The following CCSER1 variants were observed in gnomAD, a reference collection of about 807,000 sequenced individuals.
CCSER1 encodes the protein serine-rich coiled-coil domain-containing protein 1.
CCSER1 carries 41 observed loss-of-function variants against 82.0 expected under a neutral mutation model. The observed-to-expected ratio is 0.50, with a 90% CI of 0.39 to 0.65. The LOEUF (loss-of-function observed/expected upper bound fraction) is 0.65. Among genes scored for constraint, CCSER1 ranks in the 30% least tolerant of loss-of-function variants. CCSER1 has a pLI of 0.00. For synonymous variants in CCSER1, 414 were observed against 383.9 expected (o/e 1.08, Z -0.92); for missense variants, 1,119 against 1,064.2 (o/e 1.05, Z -0.72).
At chr4:90,891,191 C>A (rs1250780754) in intron 8 of CCSER1, among the ~76,000 whole-genome samples, 3 of 151,014 alleles carry the variant, frequency 2.0e-5, no homozygotes, top group Non-Finnish European at 3.0e-5. Flanking sequence ...AAATAAAAAA[C>A]CAAGTGAATT....
chr4:91,582,057 T>C (rs981547464), intron 10 of CCSER1, among the ~76,000 whole-genome samples: 2 of 151,736 alleles, frequency 1.3e-5, no homozygotes, highest in African/African-American at 2.4e-5. Flanking sequence ...TTGTCATGAA[T>C]AGAATCTAAT....
intron 1 of CCSER1, among the ~76,000 whole-genome samples, chr4:90,237,614 T>C (rs1046755341): frequency 6.6e-6 from 1 of 152,148 alleles, no homozygotes; most frequent in African/African-American, 2.4e-5. Flanking sequence ...TGGGAAATAA[T>C]CAATTAAAAC....
intron 5 of CCSER1, among the ~76,000 whole-genome samples, chr4:90,600,942 T>C (rs1783960823): frequency 6.7e-6 from 1 of 150,250 alleles, no homozygotes; most frequent in South Asian, 2.1e-4. Context: ...TTTTTGATTT[T>C]ATTGTTAGTG....
intron 10 of CCSER1, among the ~76,000 whole-genome samples, chr4:91,288,137 T>C (rs1226894770): frequency 6.9e-6 from 1 of 145,810 alleles, no homozygotes; most frequent in Admixed American, 6.9e-5. Context: ...CATGTATATA[T>C]ATATACACTC....
At chr4:90,966,557 T>C (rs761852237) in intron 9 of CCSER1, among the ~76,000 whole-genome samples, 3 of 152,112 alleles carry the variant, frequency 2.0e-5, no homozygotes, top group Non-Finnish European at 2.9e-5. Flanking sequence ...CTGCGCGAAT[T>C]CATTGCTAGG....
chr4:91,319,964 G>A (rs761186411), intron 10 of CCSER1, among the ~76,000 whole-genome samples: 8 of 151,950 alleles, frequency 5.3e-5, no homozygotes, highest in South Asian at 2.1e-4. Flanking sequence ...TCAGAGTAGC[G>A]CGATGAAATC....
chr4:91,078,864 CAA>C lies in CCSER1; in HGVS notation c.2173-7085_2173-7084del, dbSNP rs1188351586. On this transcript the variant is annotated intron_variant, in intron 9 of 10. Transcript: ENST00000509176. ...AGATCAAATGAATGAAATGTAGCGACAAGAGAAGTTTAGAGAAAAAGTAAAAA... is the reference window on the plus strand; with the variant it reads ...AGATCAAATGAATGAAATGTAGCGACGAGAAGTTTAGAGAAAAAGTAAAAA... 1.2e-4 allele frequency among the ~76,000 whole-genome samples: 18 copies of C among 152,150 alleles called. 1 individual carries two copies. In the South Asian group the frequency reaches 3.5e-3, roughly 30 times the overall value.
intron 9 of CCSER1, among the ~76,000 whole-genome samples, chr4:90,982,197 GCT>G (rs1736175972): frequency 6.6e-6 from 1 of 151,706 alleles, no homozygotes; most frequent in Non-Finnish European, 1.5e-5. Flanking sequence ...TCTGGTGAGG[GCT>G]CTTTTCCTGG....
At chr4:91,041,042 T>G (rs1319230722) in intron 9 of CCSER1, among the ~76,000 whole-genome samples, 1 of 152,140 alleles carries the variant, frequency 6.6e-6, no homozygotes, top group Non-Finnish European at 1.5e-5. Context: ...TTGTATTATA[T>G]TAACTAAATT....
chr4:90,779,540 A>G (rs1225631719), intron 7 of CCSER1, among the ~76,000 whole-genome samples: 1 of 152,176 alleles, frequency 6.6e-6, no homozygotes, highest in Non-Finnish European at 1.5e-5. Flanking sequence ...TAAATGCTTT[A>G]CTGAATGAAA....
intron 10 of CCSER1, among the ~76,000 whole-genome samples, chr4:91,292,508 G>A (rs11729328): frequency 0.037 from 5,586 of 151,822 alleles, 148 homozygotes; most frequent in African/African-American, 0.07. Context: ...GTGAAATGAG[G>A]TAAATATTAC....
chr4:91,030,535 A>G (rs1740885444), intron 9 of CCSER1, among the ~76,000 whole-genome samples: 1 of 152,098 alleles, frequency 6.6e-6, no homozygotes, highest in Non-Finnish European at 1.5e-5. Context: ...TGGAGGCAGG[A>G]CTCATGAGAG....
chr4:91,516,430 G>A (rs1037310597), intron 10 of CCSER1, among the ~76,000 whole-genome samples: 1 of 152,142 alleles, frequency 6.6e-6, no homozygotes, highest in African/African-American at 2.4e-5. Context: ...CATATGGCTA[G>A]ACAGCTATCC....
intron 8 of CCSER1, among the ~76,000 whole-genome samples, chr4:90,834,709 G>T (rs1761562454): frequency 6.6e-6 from 1 of 152,196 alleles, no homozygotes; most frequent in African/African-American, 2.4e-5. Flanking sequence ...CTTAGTTGCA[G>T]ACTGTATCGT....
At chr4:91,363,224 T>G (rs76598747) in intron 10 of CCSER1, among the ~76,000 whole-genome samples, 1 of 151,808 alleles carries the variant, frequency 6.6e-6, no homozygotes, top group East Asian at 1.9e-4. Flanking sequence ...TGCTTTTGAG[T>G]TACAAGTCTA....
intron 8 of CCSER1, among the ~76,000 whole-genome samples, chr4:90,839,809 CTTTAAAA>C (rs1762334474): frequency 6.6e-6 from 1 of 152,252 alleles, no homozygotes; most frequent in South Asian, 2.1e-4. Flanking sequence ...GAAGTTCATA[CTTTAAAA>C]TTTAAGATGG....
intron 9 of CCSER1, among the ~76,000 whole-genome samples, chr4:90,958,104 AT>A: frequency 6.6e-6 from 1 of 152,264 alleles, no homozygotes; most frequent in East Asian, 1.9e-4. Flanking sequence ...TATTTTGAAA[AT>A]TTATTTATGG....
intron 9 of CCSER1, among the ~76,000 whole-genome samples, chr4:90,968,004 C>T (rs998554511): frequency 5.3e-5 from 8 of 152,050 alleles, no homozygotes; most frequent in Non-Finnish European, 1.0e-4. Context: ...ATTTCTCTAA[C>T]GGAGAAAACT....
At chr4:90,387,650 A>C (rs1184941365) in intron 3 of CCSER1, among the ~76,000 whole-genome samples, 1 of 152,210 alleles carries the variant, frequency 6.6e-6, no homozygotes, top group East Asian at 1.9e-4. Context: ...TCAGTCAATG[A>C]TACCTGAGTA....
Sources: allele counts gnomAD v4.1 joint callset (sites outside exome capture counted in the v4.1 genomes callset), GRCh38; gene constraint gnomAD v4.1.1; transcripts MANE v1.5; gene names NCBI Gene and HGNC (gene_info 2026-07-23, HGNC 2026-07-21).